The following PIR variants were observed in gnomAD, a reference collection of about 807,000 sequenced individuals.
PIR encodes pirin, also known as pirin (iron-binding nuclear protein).
In PIR, 22 loss-of-function variants were observed where a neutral mutation model predicts 24.2. The observed-to-expected ratio is 0.91, with a 90% CI of 0.65 to 1.30. The LOEUF is 1.30. Ranked by LOEUF, PIR falls within the 50% of genes most tolerant of loss-of-function variation. The pLI is 0.00. For missense variants in PIR, 220 were observed against 220.3 expected (o/e 1.00, Z 0.01); for synonymous variants, 80 against 79.6 (o/e 1.00, Z -0.03).
At chrX:15,422,782 T>A (rs1925179041) in intron 6 of PIR, among the ~76,000 whole-genome samples, 1 of 111,515 alleles carries the variant, frequency 9.0e-6, no homozygotes, top group African/African-American at 3.3e-5. Flanking sequence ...TTCAATGCAA[T>A]CCCTACCAAA....
chrX:15,437,623 A>G (rs749364015), intron 5 of PIR, among the ~76,000 whole-genome samples: 1 of 112,317 alleles, frequency 8.9e-6, no homozygotes, highest in African/African-American at 3.2e-5. Context: ...TTCCAAAATG[A>G]ACAAAATTTT....
chrX:15,409,784 A>T (rs1337788402), intron 6 of PIR, among the ~76,000 whole-genome samples: 6 of 111,987 alleles, frequency 5.4e-5, no homozygotes, highest in Admixed American at 4.7e-4. Flanking sequence ...TTCTGATTAT[A>T]AAAAAACACA....
At chrX:15,398,137 A>G (rs1924239462) in intron 7 of PIR, among the ~76,000 whole-genome samples, 2 of 110,841 alleles carry the variant, frequency 1.8e-5, no homozygotes, top group Non-Finnish European at 1.9e-5. Context: ...TAGGAGATAT[A>G]CCTAATGTAA....
chrX:15,488,369 C>T (rs1922982542), intron 2 of PIR, among the ~76,000 whole-genome samples: 1 of 107,774 alleles, frequency 9.3e-6, no homozygotes, highest in Non-Finnish European at 1.9e-5. Context: ...TCATTCTCTG[C>T]TGATGGGAGG....
chrX:15,492,856 A>T (rs1923234925), intron 1 of PIR, among the ~76,000 whole-genome samples: 1 of 111,964 alleles, frequency 8.9e-6, no homozygotes, highest in Non-Finnish European at 1.9e-5. Flanking sequence ...CAAGGCGCAG[A>T]AACGAGCTTA....
intron 1 of PIR, among the ~76,000 whole-genome samples, chrX:15,492,577 C>T (rs779968953): frequency 1.1e-4 from 12 of 111,909 alleles, no homozygotes; most frequent in Non-Finnish European, 2.1e-4. Context: ...TGGCAAAAAG[C>T]AGACTCTGGA....
Position 15,416,078 on chromosome X carries a change from C to T in PIR, c.566-8528G>A, listed in dbSNP as rs1924906074. Among the ~76,000 whole-genome samples, 4 of 111,199 alleles carry T rather than the reference C, an allele frequency of 3.6e-5. No individual in the cohort carries two copies. The South Asian group carries it at 1.5e-3, about 42-fold the overall frequency. ...CTCTTACAAATCAATATGAAAAAGA[C>T]AACCCAGTCAAAGGAAAATGATGTT... On this transcript the variant is annotated intron_variant, in intron 6 of 9. Coordinates refer to ENST00000380420, the MANE Select transcript of PIR (RefSeq NM_001018109.3).
intron 6 of PIR, among the ~76,000 whole-genome samples, chrX:15,415,727 T>G: frequency 9.0e-6 from 1 of 111,428 alleles, no homozygotes; most frequent in South Asian, 3.7e-4. Flanking sequence ...AAACATCAAG[T>G]TGTACAAGAT....
intron 5 of PIR, among the ~76,000 whole-genome samples, chrX:15,455,252 T>C (rs759803445): frequency 8.9e-6 from 1 of 112,701 alleles, no homozygotes; most frequent in African/African-American, 3.2e-5. Flanking sequence ...CCATAATCTT[T>C]AGCCTAAATT....
At chrX:15,404,760 G>GC (rs966859725) in intron 7 of PIR, among the ~76,000 whole-genome samples, 24 of 110,793 alleles carry the variant, frequency 2.2e-4, no homozygotes, top group African/African-American at 4.9e-4. Context: ...CTCATTAACC[G>GC]CCCCCCCATT....
At chrX:15,387,073 C>CTTTTTTTTTTTTTT (rs764572854) in intron 9 of PIR, among the ~76,000 whole-genome samples, 2 of 12,698 alleles carry the variant, frequency 1.6e-4, no homozygotes, top group Non-Finnish European at 1.5e-4. Flanking sequence ...CTTTTCTTTT[C>CTTTTTTTTTTTTTT]TTTTTTTTTT....
At chrX:15,484,281 G>A (rs1922669732) in intron 2 of PIR, among the ~76,000 whole-genome samples, 3 of 105,605 alleles carry the variant, frequency 2.8e-5, no homozygotes, top group African/African-American at 1.0e-4. Context: ...GAAAAGAGGA[G>A]AGCGGTAGAT....
chrX:15,492,955 C>T (rs1923238208), intron 1 of PIR, among the ~76,000 whole-genome samples: 1 of 112,269 alleles, frequency 8.9e-6, no homozygotes, highest in South Asian at 3.7e-4. Flanking sequence ...CTGGGTCCTT[C>T]CAGACTCCTA....
intron 3 of PIR, among the ~76,000 whole-genome samples, chrX:15,466,825 C>A (rs1184710061): frequency 8.9e-6 from 1 of 112,006 alleles, no homozygotes; most frequent in Admixed American, 9.4e-5. Context: ...GGCCTCTGTT[C>A]AAATGTTACT....
rs764572854 is a variant in PIR at position 15,387,073 on chromosome X, C to CTTTTTTTTTTT, written c.761-1968_761-1958dup. On this transcript the variant is annotated intron_variant, in intron 9 of 9. Transcript: ENST00000380420. ...TTTTGTTTTGTTTTTCTTTTCTTTT[C>CTTTTTTTTTTT]TTTTTTTTTTTTTTTTTTTTTTTTT... 8.8e-3 allele frequency among the ~76,000 whole-genome samples: 111 copies of CTTTTTTTTTTT among 12,664 alleles called. 8 individuals are homozygous for CTTTTTTTTTTT. Among genetic ancestry groups the CTTTTTTTTTTT allele is most frequent in the Non-Finnish European group, 0.014 (94 of 6,648 alleles). The allele number at this position is 12,664 out of a possible 115,157, so 11.0% of individuals were successfully genotyped here. A position where few individuals can be genotyped will look rare whatever the true frequency, so the allele number is the denominator to read the frequency against.
intron 3 of PIR, among the ~76,000 whole-genome samples, chrX:15,465,473 T>C (rs1483148893): frequency 1.8e-5 from 2 of 112,293 alleles, no homozygotes; most frequent in South Asian, 7.3e-4. Flanking sequence ...GGGCATTACA[T>C]AATCACAAAC....
At chrX:15,463,485 G>A (rs777527355) in intron 3 of PIR, among the ~76,000 whole-genome samples, 24 of 111,873 alleles carry the variant, frequency 2.1e-4, no homozygotes, top group Non-Finnish European at 4.3e-4. Flanking sequence ...TATTTATAGA[G>A]CACATAATAC....
At chrX:15,481,136 C>G (rs1356541779) in intron 2 of PIR, among the ~76,000 whole-genome samples, 1 of 112,030 alleles carries the variant, frequency 8.9e-6, no homozygotes, top group Non-Finnish European at 1.9e-5. Context: ...GAAGAAGCTG[C>G]CTTGAAATAG....
chrX:15,480,296 T>C (rs1187096626), intron 2 of PIR, among the ~76,000 whole-genome samples: 1 of 111,392 alleles, frequency 9.0e-6, no homozygotes, highest in East Asian at 2.8e-4. Context: ...CTCTTTCTTT[T>C]GTAAATTGCC....
Sources: allele counts gnomAD v4.1 joint callset (sites outside exome capture counted in the v4.1 genomes callset), GRCh38; gene constraint gnomAD v4.1.1; transcripts MANE v1.5; gene names NCBI Gene and HGNC (gene_info 2026-07-23, HGNC 2026-07-21).